Variants in GRIK1 observed in about 807,000 individuals in gnomAD.
The protein encoded by GRIK1 is glutamate ionotropic receptor kainate type subunit 1.
Under a neutral mutation model 105.7 loss-of-function variants are expected in GRIK1, and 69 were observed. That is an observed-to-expected ratio of 0.65 (90% confidence interval 0.54 to 0.80). GRIK1 has a LOEUF of 0.80. Among genes scored for constraint, GRIK1 ranks in the 30% least tolerant of loss-of-function variants. GRIK1 has a pLI of 0.00. For missense variants in GRIK1, 1,109 were observed against 1,167.3 expected, an observed-to-expected ratio of 0.95 and a Z score of 0.73; for synonymous variants, 438 against 431.3, an observed-to-expected ratio of 1.02 and a Z score of -0.19.
chr21:29,872,161 C>T (rs457352), intron 1 of GRIK1, among the ~76,000 whole-genome samples: 16,558 of 150,110 alleles, frequency 0.11, 1,272 homozygotes, highest in East Asian at 0.35. Context: ...TTGTCTAAAT[C>T]AAGCTAATTA....
intron 7 of GRIK1, among the ~76,000 whole-genome samples, chr21:29,621,842 C>A (rs1248330885): frequency 6.6e-6 from 1 of 152,206 alleles, no homozygotes; most frequent in Non-Finnish European, 1.5e-5. Context: ...AGGATCATAG[C>A]ACTACTGGAG....
chr21:29,710,131 A>AT (rs950571356), intron 1 of GRIK1, among the ~76,000 whole-genome samples: 17 of 151,982 alleles, frequency 1.1e-4, no homozygotes, highest in Middle Eastern at 6.9e-3. Context: ...TTTATTAAAT[A>AT]TTTTTCAGAG....
intron 1 of GRIK1, among the ~76,000 whole-genome samples, chr21:29,896,049 C>T (rs191492132): frequency 6.6e-6 from 1 of 152,276 alleles, no homozygotes; most frequent in Non-Finnish European, 1.5e-5. Context: ...ATCTCCCTCG[C>T]TTTTTTCCAA....
chr21:29,845,660 T>G (rs2068092328), intron 1 of GRIK1, among the ~76,000 whole-genome samples: 1 of 152,214 alleles, frequency 6.6e-6, no homozygotes, highest in African/African-American at 2.4e-5. Flanking sequence ...CTAACGTAAT[T>G]TTTGGTTTCC....
intron 1 of GRIK1, among the ~76,000 whole-genome samples, chr21:29,770,247 A>G (rs2065781545): frequency 6.6e-6 from 1 of 152,222 alleles, no homozygotes; most frequent in African/African-American, 2.4e-5. Flanking sequence ...TGTGTCACCC[A>G]TCGTGCTCAG....
chr21:29,698,567 G>A lies in GRIK1; in HGVS notation c.119-4504C>T, dbSNP rs570603076. Among the ~76,000 whole-genome samples, 19 of 152,264 alleles carry A rather than the reference G, an allele frequency of 1.2e-4. No individual in the cohort carries two copies. The South Asian group carries it at 1.9e-3, about 15-fold the overall frequency. ...TTGTCCATGTTCTCTTTCATTGCTC[G>A]TGTGTACCTGAAGCATGAGAAGTAT... On this transcript the variant is annotated intron_variant, in intron 1 of 17. Coordinates refer to ENST00000327783, the MANE Select transcript of GRIK1 (RefSeq NM_001330994.2).
chr21:29,822,699 C>T (rs16985084), intron 1 of GRIK1, among the ~76,000 whole-genome samples: 7,322 of 152,024 alleles, frequency 0.048, 221 homozygotes, highest in Middle Eastern at 0.082. Context: ...CCTTGGACCA[C>T]GTCACCTATA....
chr21:29,781,295 C>G (rs576220092), intron 1 of GRIK1, among the ~76,000 whole-genome samples: 1 of 152,156 alleles, frequency 6.6e-6, no homozygotes. Flanking sequence ...CTCCTTCCCT[C>G]CCACACTGCA....
At chr21:29,750,134 G>A (rs1287086798) in intron 1 of GRIK1, among the ~76,000 whole-genome samples, 1 of 151,356 alleles carries the variant, frequency 6.6e-6, no homozygotes, top group Non-Finnish European at 1.5e-5. Context: ...GGAGAGGGAA[G>A]CATCTTTTTG....
intron 1 of GRIK1, among the ~76,000 whole-genome samples, chr21:29,777,774 C>T (rs568593223): frequency 1.3e-5 from 2 of 152,114 alleles, no homozygotes; most frequent in African/African-American, 2.4e-5. Flanking sequence ...GGACTAGAGG[C>T]TGTTTCAGCA....
intron 6 of GRIK1, among the ~76,000 whole-genome samples, chr21:29,644,940 G>A (rs1021458140): frequency 1.3e-5 from 2 of 152,088 alleles, no homozygotes; most frequent in African/African-American, 4.8e-5. Context: ...ATGTTAAATG[G>A]GATCCCCAAA....
At chr21:29,808,917 C>T (rs1003138975) in intron 1 of GRIK1, among the ~76,000 whole-genome samples, 9 of 152,130 alleles carry the variant, frequency 5.9e-5, no homozygotes, top group African/African-American at 2.2e-4. Context: ...GGCTGATACA[C>T]TTTTTGAATC....
chr21:29,903,790 T>C lies in GRIK1; in HGVS notation c.118+35593A>G, dbSNP rs550214441. 3.3e-5 allele frequency among the ~76,000 whole-genome samples: 5 copies of C among 152,284 alleles called. No individual in the cohort carries two copies. The South Asian group carries it at 8.3e-4, about 25-fold the overall frequency. ...CAATACTGGGCCTATACCCAAAGGA[T>C]TATAAATTATTCTATGATAAAGACA... On this transcript the variant is annotated intron_variant, in intron 1 of 17. Transcript: ENST00000327783.
chr21:29,756,839 C>T (rs969710966), intron 1 of GRIK1, among the ~76,000 whole-genome samples: 14 of 152,204 alleles, frequency 9.2e-5, no homozygotes, highest in Middle Eastern at 3.4e-3. Context: ...AGTGGCCGGG[C>T]GCGGTGGCTC....
At chr21:29,742,234 G>A (rs2064948074) in intron 1 of GRIK1, among the ~76,000 whole-genome samples, 2 of 152,134 alleles carry the variant, frequency 1.3e-5, no homozygotes, top group African/African-American at 2.4e-5. Context: ...AGAAAAAAAA[G>A]CATTTCTGTC....
chr21:29,621,517 C>T (rs1306147030), intron 7 of GRIK1, among the ~76,000 whole-genome samples: 1 of 152,106 alleles, frequency 6.6e-6, no homozygotes. Flanking sequence ...TCCAAATTTG[C>T]TAATTTCTTA....
chr21:29,737,659 G>C (rs1301453988), intron 1 of GRIK1, among the ~76,000 whole-genome samples: 1 of 152,200 alleles, frequency 6.6e-6, no homozygotes, highest in East Asian at 1.9e-4. Context: ...ATTAAAGAAG[G>C]CTTTGCCGGC....
At chr21:29,908,989 T>G (rs1383311562) in intron 1 of GRIK1, among the ~76,000 whole-genome samples, 1 of 152,188 alleles carries the variant, frequency 6.6e-6, no homozygotes, top group Non-Finnish European at 1.5e-5. Context: ...CAATTTTGAG[T>G]ACTGAAAATC....
intron 1 of GRIK1, among the ~76,000 whole-genome samples, chr21:29,756,453 C>T (rs1053059959): frequency 1.3e-5 from 2 of 152,096 alleles, no homozygotes; most frequent in Non-Finnish European, 2.9e-5. Flanking sequence ...GTAATTGCTG[C>T]GTGTGTGAGT....
Sources: gnomAD v4.1 joint callset for allele counts (sites outside exome capture counted in the v4.1 genomes callset) on GRCh38, gnomAD v4.1.1 for gene constraint, MANE v1.5 for transcripts, NCBI Gene and HGNC (gene_info 2026-07-23, HGNC 2026-07-21) for gene names.